Variants in PREX1 observed in about 807,000 individuals in gnomAD.
The protein encoded by PREX1 is phosphatidylinositol 3,4,5-trisphosphate-dependent Rac exchanger 1 protein.
In PREX1, 41 loss-of-function variants were observed where a neutral mutation model predicts 198.3. That is an observed-to-expected ratio of 0.21 (90% CI 0.16 to 0.27). PREX1 has a LOEUF of 0.27. PREX1 is among the 10% of genes least tolerant of loss of function. The pLI, the probability that PREX1 is intolerant of heterozygous loss-of-function variation, is 1.00. For synonymous variants in PREX1, 843 were observed against 887.2 expected, an observed-to-expected ratio of 0.95 and a Z score of 0.89; for missense variants, 1,620 against 2,200.7, an observed-to-expected ratio of 0.74 and a Z score of 5.28.
At chr20:48,844,585 G>C in the PREX1 span, among the ~76,000 whole-genome samples, 1 of 152,190 alleles carries the variant, frequency 6.6e-6, no homozygotes, top group Admixed American at 6.5e-5. Flanking sequence ...CAAGATACAG[G>C]AAAGGAAAGT....
At chr20:48,770,594 C>A (rs193298515) in intron 1 of PREX1, among the ~76,000 whole-genome samples, 2 of 152,160 alleles carry the variant, frequency 1.3e-5, no homozygotes, top group Non-Finnish European at 2.9e-5. Flanking sequence ...CCTGTAATCC[C>A]AGCTACTTGG....
intron 1 of PREX1, among the ~76,000 whole-genome samples, chr20:48,782,873 G>A (rs1013151162): frequency 2.6e-5 from 4 of 152,308 alleles, no homozygotes; most frequent in Non-Finnish European, 5.9e-5. Flanking sequence ...GTGAACAGGC[G>A]AGTGTCATAG....
chr20:48,765,948 AT>A (rs1205996414), intron 1 of PREX1, among the ~76,000 whole-genome samples: 1 of 152,176 alleles, frequency 6.6e-6, no homozygotes, highest in Admixed American at 6.5e-5. Flanking sequence ...CAGCAGCAGC[AT>A]CAGATTCTCA....
intron 3 of PREX1, among the ~76,000 whole-genome samples, chr20:48,740,068 G>A (rs2090074159): frequency 2.0e-5 from 3 of 152,210 alleles, no homozygotes; most frequent in African/African-American, 7.2e-5. Flanking sequence ...GGTGACACTA[G>A]CGGGCTGGAC....
At chr20:48,775,658 G>A (rs565674338) in intron 1 of PREX1, among the ~76,000 whole-genome samples, 29 of 130,864 alleles carry the variant, frequency 2.2e-4, no homozygotes, top group African/African-American at 7.2e-4. Flanking sequence ...ATGGGGGCAG[G>A]TCTTTCCCGT....
intron 26 of PREX1, among the ~76,000 whole-genome samples, chr20:48,645,101 C>T (rs572060098): frequency 7.2e-5 from 11 of 152,354 alleles, no homozygotes; most frequent in Admixed American, 4.6e-4. Context: ...CAGATACAGA[C>T]GCCAGGCGAG....
At chr20:48,863,187 G>A in the PREX1 span, among the ~76,000 whole-genome samples, 1 of 152,228 alleles carries the variant, frequency 6.6e-6, no homozygotes, top group East Asian at 1.9e-4. Context: ...AAAGTACAGA[G>A]AGTTCCCTTA....
intron 1 of PREX1, among the ~76,000 whole-genome samples, chr20:48,807,592 T>C (rs1215165154): frequency 6.6e-6 from 1 of 152,156 alleles, no homozygotes; most frequent in African/African-American, 2.4e-5. Flanking sequence ...CTTGTTTCTA[T>C]AGGAGAAGTT....
intron 15 of PREX1, among the ~76,000 whole-genome samples, chr20:48,661,433 AAAAAAAAAAAAAT>A (rs1339552171): frequency 1.9e-5 from 2 of 107,910 alleles, no homozygotes; most frequent in Admixed American, 1.9e-4. Context: ...AAAAAAAAAA[AAAAAAAAAAAAAT>A]ATATATATAT....
chr20:48,658,027 AG>A, intron 17 of PREX1, 108 bp downstream of exon 17: 2 of 1,072,470 alleles, frequency 1.9e-6, no homozygotes, highest in South Asian at 3.0e-5. Context: ...AAGAGGAGTC[AG>A]CGATCATTCC....
At chr20:48,652,263 T>A (rs1391075109) in intron 21 of PREX1, among the ~76,000 whole-genome samples, 1 of 139,212 alleles carries the variant, frequency 7.2e-6, no homozygotes, top group African/African-American at 2.6e-5. Flanking sequence ...GGAGACCTCA[T>A]CTCTAAAAAA....
intron 1 of PREX1, among the ~76,000 whole-genome samples, chr20:48,784,211 G>A (rs1376495220): frequency 1.3e-5 from 2 of 152,216 alleles, no homozygotes; most frequent in Middle Eastern, 3.4e-3. Flanking sequence ...GGCTCCAGGG[G>A]TTTTGCAAAA....
At chr20:48,832,339 C>T (rs2123104424), upstream of PREX1, among the ~76,000 whole-genome samples, 1 of 152,278 alleles carries the variant, frequency 6.6e-6, no homozygotes, top group Middle Eastern at 3.4e-3. Flanking sequence ...CTGTCAGCTT[C>T]TGCAGGCTGA....
chr20:48,791,136 T>C (rs1449995861), intron 1 of PREX1, among the ~76,000 whole-genome samples: 1 of 149,218 alleles, frequency 6.7e-6, no homozygotes, highest in African/African-American at 2.4e-5. Context: ...GACTTGGAAC[T>C]GTGCAGATTC....
chr20:48,863,607 T>TTGA, the PREX1 span, among the ~76,000 whole-genome samples: 1 of 147,984 alleles, frequency 6.8e-6, no homozygotes, highest in South Asian at 2.2e-4. Context: ...TTTTTTTTTT[T>TTGA]GACACAGTCT....
At chr20:48,834,778 T>C in the PREX1 span, among the ~76,000 whole-genome samples, 5 of 152,198 alleles carry the variant, frequency 3.3e-5, no homozygotes, top group Non-Finnish European at 7.4e-5. Context: ...CAGGCTGGTC[T>C]TGAACTCCTG....
At position 48,681,317 on chromosome 20, in the gene PREX1, G is replaced by A. The variant is rs377164341; in HGVS notation, c.1353C>T (p.Leu451=). 49 of 1,614,050 alleles carry A rather than the reference G, an allele frequency of 3.0e-5. No homozygotes were observed. The African/African-American group carries it at 5.3e-4, about 18-fold the overall frequency. The change falls in exon 11 of 40, where the codon CTC becomes CTT. Residue 451 remains leucine, a synonymous_variant. Coordinates refer to ENST00000371941, the MANE Select transcript of PREX1 (RefSeq NM_020820.4). ...CFLGNEFVAW[L]LEIGEISKTE... is the part of the protein sequence containing the mutation. Reference sequence around the variant, plus strand: ...TCTTGCTGATTTCACCAATTTCTAGGAGCCAGGCAACGAACTCACTGCCAG... The same window carrying A: ...TCTTGCTGATTTCACCAATTTCTAGAAGCCAGGCAACGAACTCACTGCCAG...
At chr20:48,800,250 G>A (rs2090380456) in intron 1 of PREX1, among the ~76,000 whole-genome samples, 1 of 151,942 alleles carries the variant, frequency 6.6e-6, no homozygotes, top group Non-Finnish European at 1.5e-5. Context: ...TAATTCAAAT[G>A]CAGGCTGAGC....
intron 1 of PREX1, among the ~76,000 whole-genome samples, chr20:48,770,085 T>C (rs2090228365): frequency 6.6e-6 from 1 of 152,266 alleles, no homozygotes; most frequent in Non-Finnish European, 1.5e-5. Context: ...GAATATGTGC[T>C]ATCTTTACCA....
Sources: allele counts gnomAD v4.1 joint callset (sites outside exome capture counted in the v4.1 genomes callset), GRCh38; gene constraint gnomAD v4.1.1; transcripts MANE v1.5; gene names NCBI Gene and HGNC (gene_info 2026-07-23, HGNC 2026-07-21).